The following NEK11 variants were observed in gnomAD, a reference collection of about 807,000 sequenced individuals.
NEK11 encodes NIMA related kinase 11, also known as serine/threonine-protein kinase Nek11.
NEK11 carries 72 observed loss-of-function variants against 80.7 expected under a neutral mutation model. The observed-to-expected ratio is 0.89, with a 90% CI of 0.74 to 1.08. The LOEUF (loss-of-function observed/expected upper bound fraction) is 1.08. NEK11 is among the 50% of genes least tolerant of loss of function. NEK11 has a pLI of 0.00. For missense variants in NEK11, 764 were observed against 763.6 expected (o/e 1.00, Z -0.01); for synonymous variants, 251 against 260.7 (o/e 0.96, Z 0.36).
At chr3:131,142,541 C>T (rs1398941983) in intron 7 of NEK11, among the ~76,000 whole-genome samples, 1 of 152,146 alleles carries the variant, frequency 6.6e-6, no homozygotes, top group Non-Finnish European at 1.5e-5. Flanking sequence ...CGGCTGTTGC[C>T]ATATTCGGTC....
chr3:131,093,651 C>T (rs1054636263), intron 4 of NEK11, among the ~76,000 whole-genome samples: 1 of 151,956 alleles, frequency 6.6e-6, no homozygotes, highest in African/African-American at 2.4e-5. Context: ...TCCTGACCAC[C>T]CGCCTCTGCC....
chr3:131,205,541 G>A (rs1189159888), intron 14 of NEK11, among the ~76,000 whole-genome samples: 1 of 152,072 alleles, frequency 6.6e-6, no homozygotes, highest in Non-Finnish European at 1.5e-5. Flanking sequence ...TTTTGTGGGG[G>A]CTACTCTCAA....
intron 11 of NEK11, among the ~76,000 whole-genome samples, chr3:131,164,403 T>C (rs1040877994): frequency 5.3e-5 from 8 of 152,232 alleles, no homozygotes; most frequent in African/African-American, 1.9e-4. Context: ...TGAGTTTTAC[T>C]GGGAAAATAT....
intron 17 of NEK11, among the ~76,000 whole-genome samples, chr3:131,276,673 C>A (rs2108752840): frequency 6.6e-6 from 1 of 152,016 alleles, no homozygotes; most frequent in South Asian, 2.1e-4. Flanking sequence ...AGAATAGATT[C>A]CATGCTTCAT....
intron 16 of NEK11, among the ~76,000 whole-genome samples, chr3:131,266,512 G>T (rs1212232215): frequency 6.6e-6 from 1 of 152,158 alleles, no homozygotes; most frequent in Non-Finnish European, 1.5e-5. Context: ...GTAGTTGTGT[G>T]GTTTGAGTGA....
chr3:131,058,305 T>C (rs2070044601), intron 3 of NEK11, among the ~76,000 whole-genome samples: 1 of 152,220 alleles, frequency 6.6e-6, no homozygotes, highest in Non-Finnish European at 1.5e-5. Context: ...TGTAGTATAG[T>C]TTGAAGTCAG....
chr3:131,146,729 T>C (rs557632159), intron 7 of NEK11, among the ~76,000 whole-genome samples: 1 of 152,250 alleles, frequency 6.6e-6, no homozygotes, highest in African/African-American at 2.4e-5. Context: ...CTTTTTCTTT[T>C]TAGCCATTCT....
Position 131,088,627 on chromosome 3 carries a change from C to T in NEK11, c.336+8039C>T, listed in dbSNP as rs193040645. ...CTTTATAGATAAAAGCATTATTTCA[C>T]ATTATTTCATATCACCTAAGAATAA... On this transcript the variant is annotated intron_variant, in intron 4 of 17. Transcript: ENST00000383366. Among the ~76,000 whole-genome samples, 80 of 152,120 alleles carry T rather than the reference C, an allele frequency of 5.3e-4. 1 individual carries two copies. Among genetic ancestry groups the T allele is most frequent in the Non-Finnish European group, 2.9e-5 (2 of 68,012 alleles).
intron 3 of NEK11, among the ~76,000 whole-genome samples, chr3:131,051,777 C>G (rs2068455568): frequency 6.6e-6 from 1 of 152,118 alleles, no homozygotes; most frequent in Non-Finnish European, 1.5e-5. Context: ...CTGATCCTCC[C>G]TCCTCAGCCT....
chr3:131,146,773 T>G (rs1400643626), intron 7 of NEK11, among the ~76,000 whole-genome samples: 2 of 152,064 alleles, frequency 1.3e-5, no homozygotes, highest in African/African-American at 4.8e-5. Context: ...TAGTACACAG[T>G]GGTTGTAATT....
chr3:131,141,913 T>A (rs2718880), intron 7 of NEK11, among the ~76,000 whole-genome samples: 126,215 of 152,164 alleles, frequency 0.83, 52,459 homozygotes, highest in East Asian at 0.93. Flanking sequence ...AGTATGAGAA[T>A]CTGCTAAAGG....
chr3:131,152,957 C>CG (rs1157583995), intron 9 of NEK11, among the ~76,000 whole-genome samples: 2 of 151,986 alleles, frequency 1.3e-5, no homozygotes, highest in African/African-American at 4.8e-5. Context: ...CGTGGTGGTG[C>CG]GTGTCTTTAG....
In NEK11 at chr3:131,201,333, G is replaced by T. The variant is rs144670432; in HGVS notation, c.1400-27195G>T. Among the ~76,000 whole-genome samples the T allele has an allele frequency of 6.5e-4, 98 of 151,746 alleles. 2 individuals are homozygous for T. Among genetic ancestry groups the T allele is most frequent in the Non-Finnish European group, 1.3e-4 (9 of 67,966 alleles). Reference sequence around the variant, plus strand: ...CAAATAGGAAGGGATGTGGAATATCGGAATGTCGGTGATGCATTTGGGCCA... The same window carrying T: ...CAAATAGGAAGGGATGTGGAATATCTGAATGTCGGTGATGCATTTGGGCCA... On this transcript the variant is annotated intron_variant, in intron 14 of 17. Transcript: ENST00000383366.
Position 131,330,159 on chromosome 3 carries a change from C to T in NEK11, c.1719-19398C>T, listed in dbSNP as rs1320825213. On this transcript the variant is annotated intron_variant, in intron 17 of 17. Transcript: ENST00000383366. ...TGATCTGATTATGAAAGGAACTGGA[C>T]TACTAGAATGTGAGAGAAAGAGAGG... The T allele has an allele frequency of 2.0e-5, 3 of 152,066 alleles. No homozygotes were observed. In the East Asian group the frequency reaches 5.8e-4, roughly 29 times the overall value. The allele number at this position is 152,066 out of a possible 1,614,324, so 9.4% of individuals were successfully genotyped here.
intron 17 of NEK11, among the ~76,000 whole-genome samples, chr3:131,319,070 A>C (rs2096872523): frequency 6.6e-6 from 1 of 151,824 alleles, no homozygotes; most frequent in South Asian, 2.1e-4. Context: ...TTTTTTACCT[A>C]ATGCTATTTT....
intron 4 of NEK11, among the ~76,000 whole-genome samples, chr3:131,098,292 A>C (rs2077775792): frequency 6.6e-6 from 1 of 152,248 alleles, no homozygotes; most frequent in Non-Finnish European, 1.5e-5. Flanking sequence ...AGCAAAAGCC[A>C]AAATTGACAA....
intron 14 of NEK11, among the ~76,000 whole-genome samples, chr3:131,214,076 C>T (rs1037806135): frequency 2.0e-5 from 3 of 152,186 alleles, no homozygotes; most frequent in African/African-American, 7.2e-5. Flanking sequence ...ACTGAATCTG[C>T]CAGCACCTTG....
intron 17 of NEK11, among the ~76,000 whole-genome samples, chr3:131,289,402 A>C (rs1398568232): frequency 6.6e-6 from 1 of 152,226 alleles, no homozygotes; most frequent in Non-Finnish European, 1.5e-5. Context: ...GGGGATACAC[A>C]GTTCAGTCTA....
intron 16 of NEK11, among the ~76,000 whole-genome samples, chr3:131,261,273 T>C (rs2095914559): frequency 6.6e-6 from 1 of 152,186 alleles, no homozygotes; most frequent in Non-Finnish European, 1.5e-5. Context: ...CTTCGTATCA[T>C]TTTGTTTTCA....
Sources: allele counts gnomAD v4.1 joint callset (sites outside exome capture counted in the v4.1 genomes callset), GRCh38; gene constraint gnomAD v4.1.1; transcripts MANE v1.5; gene names NCBI Gene and HGNC (gene_info 2026-07-23, HGNC 2026-07-21).